The following SLC4A4 variants were observed in gnomAD, a reference collection of about 807,000 sequenced individuals.
The protein encoded by SLC4A4 is solute carrier family 4 member 4.
SLC4A4 carries 27 observed loss-of-function variants against 111.5 expected under a neutral mutation model. That is an observed-to-expected ratio of 0.24 (90% CI 0.18 to 0.33). The LOEUF is 0.33. Among genes scored for constraint, SLC4A4 ranks in the 10% least tolerant of loss-of-function variants. The pLI, the probability that SLC4A4 is intolerant of heterozygous loss-of-function variation, is 1.00. For missense variants in SLC4A4, 909 were observed against 1,315.5 expected (o/e 0.69, Z 4.78); for synonymous variants, 443 against 463.4 (o/e 0.96, Z 0.57).
intron 3 of SLC4A4, among the ~76,000 whole-genome samples, chr4:71,333,721 G>A (rs1728202665): frequency 6.6e-6 from 1 of 152,154 alleles, no homozygotes; most frequent in South Asian, 2.1e-4. Flanking sequence ...CTGCTGCTGA[G>A]CTGGCACCCA....
intron 16 of SLC4A4, among the ~76,000 whole-genome samples, chr4:71,523,413 C>CT (rs1335199211): frequency 8.5e-5 from 13 of 152,252 alleles, no homozygotes; most frequent in Admixed American, 5.2e-4. Flanking sequence ...GTCTGTTAAA[C>CT]ATTTAACAAA....
chr4:71,144,435 T>C (rs1228492550), intron 2 of SLC4A4, among the ~76,000 whole-genome samples: 1 of 152,200 alleles, frequency 6.6e-6, no homozygotes. Flanking sequence ...TGCGGGCTCT[T>C]TTTTGGTTCC....
At chr4:71,547,173 T>G (rs1170125660) in intron 19 of SLC4A4, among the ~76,000 whole-genome samples, 2 of 151,926 alleles carry the variant, frequency 1.3e-5, no homozygotes, top group African/African-American at 2.4e-5. Flanking sequence ...ACTTTTGTTG[T>G]TGTAGATTTG....
At chr4:71,098,856 G>A (rs1742634860) in intron 2 of SLC4A4, among the ~76,000 whole-genome samples, 1 of 152,106 alleles carries the variant, frequency 6.6e-6, no homozygotes, top group African/African-American at 2.4e-5. Context: ...GATCAAAAAA[G>A]AGAAACAAGG....
rs56868840 is a variant in SLC4A4 at position 71,067,825 on chromosome 4, C to T, written c.-65+5037C>T. Among the ~76,000 whole-genome samples, 1,109 of 151,970 alleles carry T rather than the reference C, an allele frequency of 7.3e-3. 17 individuals are homozygous for T. Among genetic ancestry groups the T allele is most frequent in the African/African-American group, 0.026 (1,067 of 41,460 alleles). On this transcript the variant is annotated intron_variant, in intron 1 of 26. Coordinates refer to the SLC4A4 transcript ENST00000649996. ...GTGCGCTGGTATGATCATAGCTCAC[C>T]GCAGCCTTGACTCCTGGGCTCAAGT... is the stretch of plus-strand genomic sequence containing the variant.
chr4:71,100,871 G>C (rs971891992), intron 2 of SLC4A4, among the ~76,000 whole-genome samples: 1 of 152,130 alleles, frequency 6.6e-6, no homozygotes. Flanking sequence ...AAAATACCTA[G>C]GAATATAACT....
intron 3 of SLC4A4, 128 bp from the exon 4 acceptor site, chr4:71,339,242 A>C: frequency 6.2e-7 from 1 of 1,614,218 alleles, no homozygotes. Flanking sequence ...GAGGCTTAGC[A>C]GGAAAGATGT....
In SLC4A4 at chr4:71,557,895, C is replaced by T. The variant is rs757098412; in HGVS notation, c.2937+10C>T. 2.5e-6 allele frequency: 4 copies of T among 1,604,908 alleles called. No individual in the cohort carries two copies. The highest frequency in any genetic ancestry group is 3.4e-6 in the Non-Finnish European group (4 of 1,172,530). ...CATTTTTCCAGTAATGGTAGGGATT[C>T]CTTTAATTGAACGTACCTGTGAGAT... On this transcript the variant is annotated intron_variant, in intron 22 of 25. Coordinates refer to ENST00000264485, the MANE Select transcript of SLC4A4 (RefSeq NM_001098484.3).
At chr4:71,312,834 C>A (rs1471681470) in intron 3 of SLC4A4, among the ~76,000 whole-genome samples, 1 of 152,118 alleles carries the variant, frequency 6.6e-6, no homozygotes, top group Non-Finnish European at 1.5e-5. Context: ...TGGGCAAAAG[C>A]TGGAAGCATT....
At chr4:71,546,824 C>T (rs1047815043) in intron 19 of SLC4A4, among the ~76,000 whole-genome samples, 12 of 151,884 alleles carry the variant, frequency 7.9e-5, no homozygotes, top group Admixed American at 1.3e-4. Context: ...GCAGTGTTTA[C>T]TGTATCACAG....
chr4:71,169,025 A>T (rs1744864226), intron 2 of SLC4A4, among the ~76,000 whole-genome samples: 1 of 151,534 alleles, frequency 6.6e-6, no homozygotes, highest in Admixed American at 6.6e-5. Flanking sequence ...ATTTATTTAT[A>T]TTTATTTTTT....
chr4:71,443,116 C>CTCTCTCTCTATATATATATATATA (rs1198759861), intron 8 of SLC4A4, among the ~76,000 whole-genome samples: 1 of 65,654 alleles, frequency 1.5e-5, no homozygotes, highest in African/African-American at 8.7e-5. Flanking sequence ...CTCTCTCTCT[C>CTCTCTCTCTATATATATATATATA]TATATATATA....
chr4:71,158,097 C>CTG (rs139897656), intron 2 of SLC4A4, among the ~76,000 whole-genome samples: 8,626 of 137,046 alleles, frequency 0.063, 449 homozygotes, highest in African/African-American at 0.15. Flanking sequence ...ATCCTTGACT[C>CTG]TGTGTGTGTG....
chr4:71,556,978 G>T (rs1475841794), intron 21 of SLC4A4, among the ~76,000 whole-genome samples: 1 of 151,870 alleles, frequency 6.6e-6, no homozygotes, highest in African/African-American at 2.4e-5. Context: ...CACTGGCAAG[G>T]TCAATTCGGC....
intron 14 of SLC4A4, among the ~76,000 whole-genome samples, chr4:71,477,205 T>A (rs1366265119): frequency 6.6e-6 from 1 of 151,742 alleles, no homozygotes; most frequent in Non-Finnish European, 1.5e-5. Context: ...ACTGGGTTAG[T>A]GATTGTGCCT....
intron 7 of SLC4A4, among the ~76,000 whole-genome samples, chr4:71,422,214 C>T (rs57495118): frequency 1.9e-4 from 27 of 141,816 alleles, no homozygotes; most frequent in African/African-American, 6.4e-4. Context: ...AACACCTCTA[C>T]GCAAATAAAC....
intron 4 of SLC4A4, among the ~76,000 whole-genome samples, chr4:71,343,262 T>TCTGA (rs749855709): frequency 6.6e-6 from 1 of 152,180 alleles, no homozygotes; most frequent in African/African-American, 2.4e-5. Context: ...TTATTCTCTT[T>TCTGA]CTGACTGATA....
At chr4:71,314,615 C>A (rs150684737) in intron 3 of SLC4A4, among the ~76,000 whole-genome samples, 2,540 of 152,232 alleles carry the variant, frequency 0.017, 48 homozygotes, top group East Asian at 0.095. Context: ...ATGTCCTTTG[C>A]AGAGACATGG....
In SLC4A4 at chr4:71,569,211, A is replaced by G. The variant is rs556059196; in HGVS notation, c.*1460A>G. On this transcript the variant is annotated 3_prime_UTR_variant, in exon 26 of 26. Coordinates refer to ENST00000264485, the MANE Select transcript of SLC4A4 (RefSeq NM_001098484.3). ...GTCCAAGAAGTCTGTCCATATGAAA[A>G]TGAGGGTAAATATAGTTTATTTCCC... 2.0e-5 allele frequency: 3 copies of G among 151,810 alleles called. No individual in the cohort carries two copies. In the South Asian group the frequency reaches 6.2e-4, roughly 31 times the overall value. 9.4% of individuals were successfully genotyped at this position (151,810 alleles called of 1,614,324 possible).
Sources: gnomAD v4.1 joint callset for allele counts (sites outside exome capture counted in the v4.1 genomes callset) on GRCh38, gnomAD v4.1.1 for gene constraint, MANE v1.5 for transcripts, NCBI Gene and HGNC (gene_info 2026-07-23, HGNC 2026-07-21) for gene names.